The following CTNND2 variants were observed in gnomAD, a reference collection of about 807,000 sequenced individuals.
CTNND2 encodes the protein catenin delta 2.
A neutral mutation model predicts 144.4 loss-of-function variants in CTNND2; 22 were observed. The ratio of observed to expected loss-of-function variants is 0.15; its 90% CI spans 0.11 to 0.22. The LOEUF (loss-of-function observed/expected upper bound fraction) is 0.22. CTNND2 is among the 10% of genes least tolerant of loss of function. CTNND2 has a pLI of 1.00. For synonymous variants in CTNND2, 751 were observed against 695.6 expected, an observed-to-expected ratio of 1.08 and a Z score of -1.25; for missense variants, 1,353 against 1,618.8, an observed-to-expected ratio of 0.84 and a Z score of 2.82.
chr5:11,163,085 G>T (rs934760687), intron 11 of CTNND2, among the ~76,000 whole-genome samples: 2 of 152,114 alleles, frequency 1.3e-5, no homozygotes, highest in Admixed American at 1.3e-4. Context: ...ACAAATTCTT[G>T]GACATTTCCT....
At chr5:11,735,551 G>GACA (rs1787635780) in intron 1 of CTNND2, among the ~76,000 whole-genome samples, 2 of 152,136 alleles carry the variant, frequency 1.3e-5, no homozygotes, top group Non-Finnish European at 2.9e-5. Context: ...TATGTCCCCC[G>GACA]ACAAATCTCA....
chr5:11,781,756 C>A (rs1430758124), intron 1 of CTNND2, among the ~76,000 whole-genome samples: 1 of 152,188 alleles, frequency 6.6e-6, no homozygotes, highest in Non-Finnish European at 1.5e-5. Context: ...CTTCTCCACA[C>A]TGAATTATAC....
intron 8 of CTNND2, among the ~76,000 whole-genome samples, chr5:11,357,459 A>G (rs557439072): frequency 2.8e-4 from 43 of 152,266 alleles, no homozygotes; most frequent in African/African-American, 9.6e-4. Flanking sequence ...GATCTCACTC[A>G]AACATGGAAT....
intron 9 of CTNND2, among the ~76,000 whole-genome samples, chr5:11,241,019 A>AAC (rs368420419): frequency 1.4e-5 from 2 of 144,590 alleles, no homozygotes; most frequent in Admixed American, 1.4e-4. Flanking sequence ...ACACACACCC[A>AAC]ACACACACAC....
chr5:11,600,555 A>C (rs916405770), intron 2 of CTNND2, among the ~76,000 whole-genome samples: 3 of 151,874 alleles, frequency 2.0e-5, no homozygotes, highest in Non-Finnish European at 4.4e-5. Context: ...AAAATAGAAA[A>C]ATCAGCCCAG....
chr5:11,429,253 A>C (rs1763052495), intron 3 of CTNND2, among the ~76,000 whole-genome samples: 3 of 152,236 alleles, frequency 2.0e-5, no homozygotes, highest in Admixed American at 6.5e-5. Flanking sequence ...TCCCTAATTA[A>C]GCCCATTGCC....
At chr5:11,708,695 T>C (rs146649210) in intron 2 of CTNND2, among the ~76,000 whole-genome samples, 47 of 152,256 alleles carry the variant, frequency 3.1e-4, no homozygotes, top group African/African-American at 1.0e-3. Flanking sequence ...CTGGGAGTGT[T>C]GTTTGTCAAC....
At chr5:10,977,073 A>G (rs1231595405) in intron 21 of CTNND2, among the ~76,000 whole-genome samples, 1 of 152,196 alleles carries the variant, frequency 6.6e-6, no homozygotes, top group Non-Finnish European at 1.5e-5. Flanking sequence ...TCATGCTCCA[A>G]TTTGAGAACC....
rs528308958 is a variant in CTNND2 at position 11,044,953 on chromosome 5, T to C, written c.2789-21974A>G. Among the ~76,000 whole-genome samples the C allele has an allele frequency of 1.9e-4, 29 of 152,352 alleles. 1 individual carries two copies. The South Asian group carries it at 5.4e-3, about 28-fold the overall frequency. ...GAAAATGGTACTTCTTTCTTTTCCT[T>C]TCCATTAGTTTCCTGTGACTGCTTC... On this transcript the variant is annotated intron_variant, in intron 16 of 21. Transcript: ENST00000304623.
intron 3 of CTNND2, among the ~76,000 whole-genome samples, chr5:11,526,502 G>A (rs1223044885): frequency 3.9e-5 from 6 of 152,208 alleles, no homozygotes; most frequent in Non-Finnish European, 8.8e-5. Context: ...ACTTCCAGGT[G>A]CTGGCCCAGC....
intron 2 of CTNND2, among the ~76,000 whole-genome samples, chr5:11,678,566 A>G (rs1435960329): frequency 6.6e-6 from 1 of 152,204 alleles, no homozygotes; most frequent in African/African-American, 2.4e-5. Context: ...AATGTTATTA[A>G]GACGAAGCCC....
At chr5:11,500,119 C>T (rs1043075502) in intron 3 of CTNND2, among the ~76,000 whole-genome samples, 1 of 152,144 alleles carries the variant, frequency 6.6e-6, no homozygotes, top group Admixed American at 6.5e-5. Context: ...CTGTAAGATG[C>T]TGTTTCACTA....
chr5:11,707,756 C>T (rs564537458), intron 2 of CTNND2, among the ~76,000 whole-genome samples: 1 of 152,284 alleles, frequency 6.6e-6, no homozygotes, highest in Non-Finnish European at 1.5e-5. Context: ...ATTTTAGACA[C>T]ACAACAATTT....
At position 11,761,358 on chromosome 5, in the gene CTNND2, T is replaced by C. The variant is rs528881720; in HGVS notation, c.38-29086A>G. On this transcript the variant is annotated intron_variant, in intron 1 of 21. Coordinates refer to ENST00000304623, the MANE Select transcript of CTNND2 (RefSeq NM_001332.4). The stretch of plus-strand genomic sequence containing the variant: ...TGTACCACACATATAATTTGCACAA[T>C]TGAGAAAAAAAGTCTCTCAATTTGC... 4.6e-5 allele frequency among the ~76,000 whole-genome samples: 7 copies of C among 152,286 alleles called. No individual in the cohort carries two copies. The South Asian group carries it at 8.3e-4, about 18-fold the overall frequency.
Position 11,384,787 on chromosome 5 carries a change from G to A in CTNND2, c.1055C>T (p.Thr352Ile). ...CGACAGGGTGGCGTACGTGCCGATG[G>A]TGGAGCTCAGCTGGTGGATGGGCGA... ...SSSPIHQLSS[T>I]IGTYATLSPT... is the part of the protein sequence containing the mutation. Residue 352 changes from threonine to isoleucine, a missense_variant, in exon 7 of 22, where the codon ACC becomes ATC. Thr to Ile is a moderately conservative substitution (Grantham distance 89, BLOSUM62 -1). This residue lies in a region of CTNND2 where 708 missense variants were observed against 706.4 expected (regional missense o/e 1.00). Transcript: ENST00000304623. This position sits in a 1 kb window ranked among gnomAD's most constrained non-coding sequence, Gnocchi z 5.2. The A allele has an allele frequency of 3.1e-6, 5 of 1,613,318 alleles. No homozygotes were observed. Among genetic ancestry groups the A allele is most frequent in the Non-Finnish European group, 4.2e-6 (5 of 1,179,762 alleles).
intron 1 of CTNND2, among the ~76,000 whole-genome samples, chr5:11,769,868 C>A (rs1340493833): frequency 1.3e-5 from 2 of 152,224 alleles, no homozygotes; most frequent in African/African-American, 2.4e-5. Flanking sequence ...ATTTGTTTTC[C>A]AACCCCACTG....
At chr5:11,449,322 T>C (rs1765105229) in intron 3 of CTNND2, among the ~76,000 whole-genome samples, 1 of 152,210 alleles carries the variant, frequency 6.6e-6, no homozygotes, top group Admixed American at 6.5e-5. Flanking sequence ...ATCAACTGTT[T>C]CAAATGAATA....
intron 1 of CTNND2, among the ~76,000 whole-genome samples, chr5:11,750,621 T>C (rs1326685457): frequency 6.6e-6 from 1 of 151,900 alleles, no homozygotes; most frequent in Non-Finnish European, 1.5e-5. Context: ...TTAATTACAG[T>C]CCTACTGGAA....
chr5:11,653,143 A>T (rs1192899283), intron 2 of CTNND2, among the ~76,000 whole-genome samples: 1 of 151,272 alleles, frequency 6.6e-6, no homozygotes, highest in East Asian at 1.9e-4. Flanking sequence ...CCATTCATCC[A>T]CTGACAGACA....
Sources: allele counts gnomAD v4.1 joint callset (sites outside exome capture counted in the v4.1 genomes callset), GRCh38; gene constraint gnomAD v4.1.1; regional missense constraint gnomAD v4.1.1; non-coding constraint Gnocchi (gnomAD v3.1); transcripts MANE v1.5; gene names NCBI Gene and HGNC (gene_info 2026-07-23, HGNC 2026-07-21).